The following MALRD1 variants were observed in gnomAD, a reference collection of about 807,000 sequenced individuals.
MALRD1 encodes the protein MAM and LDL receptor class A domain containing 1, also known as MAM and LDL-receptor class A domain-containing protein 1.
MALRD1 carries 247 observed loss-of-function variants against 242.1 expected under a neutral mutation model. That is an observed-to-expected ratio of 1.02 (90% confidence interval 0.92 to 1.13). The LOEUF is 1.13. Among genes scored for constraint, MALRD1 ranks in the 50% most tolerant of loss-of-function variants. MALRD1 has a pLI of 0.00. For missense variants in MALRD1, 2,989 were observed against 2,533.1 expected (o/e 1.18, Z -3.86); for synonymous variants, 995 against 866.6 (o/e 1.15, Z -2.60).
At chr10:19,646,838 T>C (rs1174033716) in intron 36 of MALRD1, among the ~76,000 whole-genome samples, 1 of 152,146 alleles carries the variant, frequency 6.6e-6, no homozygotes, top group Non-Finnish European at 1.5e-5. Flanking sequence ...TCACTCTCAT[T>C]TGTGACAGAA....
intron 28 of MALRD1, among the ~76,000 whole-genome samples, chr10:19,418,340 AT>A (rs1319782070): frequency 6.6e-6 from 1 of 152,140 alleles, no homozygotes; most frequent in East Asian, 1.9e-4. Context: ...ACTAAAAATA[AT>A]TTTAAAAAAA....
chr10:19,337,082 T>A (rs1030494728), intron 24 of MALRD1, among the ~76,000 whole-genome samples: 1 of 152,108 alleles, frequency 6.6e-6, no homozygotes, highest in African/African-American at 2.4e-5. Flanking sequence ...TATATATTTG[T>A]GTATATATTA....
chr10:19,341,486 A>ATATATGTATATATGTG (rs1564577101), intron 24 of MALRD1, among the ~76,000 whole-genome samples: 5 of 16,092 alleles, frequency 3.1e-4, no homozygotes, highest in Non-Finnish European at 7.2e-4. Context: ...ATATATGTGT[A>ATATATGTATATATGTG]TATATATGTA....
intron 38 of MALRD1, among the ~76,000 whole-genome samples, chr10:19,703,924 T>G (rs904883285): frequency 2.6e-5 from 4 of 152,006 alleles, no homozygotes; most frequent in African/African-American, 9.7e-5. Context: ...AAATAAAAAT[T>G]GCAAAATAAA....
intron 31 of MALRD1, among the ~76,000 whole-genome samples, chr10:19,523,307 A>T (rs988074451): frequency 6.6e-6 from 1 of 152,180 alleles, no homozygotes; most frequent in African/African-American, 2.4e-5. Flanking sequence ...AAATAATGTG[A>T]TAATATATTT....
At chr10:19,644,628 C>T (rs896893159) in intron 36 of MALRD1, among the ~76,000 whole-genome samples, 3 of 151,916 alleles carry the variant, frequency 2.0e-5, no homozygotes, top group Admixed American at 2.0e-4. Flanking sequence ...TGACAAGACC[C>T]CAAAAAATGT....
intron 17 of MALRD1, among the ~76,000 whole-genome samples, chr10:19,206,190 A>G (rs796701387): frequency 7.9e-5 from 12 of 152,126 alleles, no homozygotes; most frequent in African/African-American, 2.9e-4. Flanking sequence ...TAGAAATGTA[A>G]AATGCTTACT....
intron 1 of MALRD1, among the ~76,000 whole-genome samples, chr10:19,061,753 G>T (rs1249124660): frequency 6.6e-6 from 1 of 152,082 alleles, no homozygotes; most frequent in Non-Finnish European, 1.5e-5. Flanking sequence ...ATTGGAGTTG[G>T]ACCCTTACCT....
intron 9 of MALRD1, among the ~76,000 whole-genome samples, chr10:19,135,461 C>T (rs1053466294): frequency 1.3e-5 from 2 of 152,076 alleles, no homozygotes; most frequent in African/African-American, 4.8e-5. Context: ...ACCTATCCCT[C>T]ATGTTTTGAA....
At chr10:19,310,980 C>T (rs750462187) in intron 21 of MALRD1, among the ~76,000 whole-genome samples, 3 of 151,346 alleles carry the variant, frequency 2.0e-5, no homozygotes, top group East Asian at 1.9e-4. Flanking sequence ...TTTTAGTGCT[C>T]GTCTCAGATT....
intron 28 of MALRD1, among the ~76,000 whole-genome samples, chr10:19,422,565 A>G (rs1794522390): frequency 6.6e-6 from 1 of 152,200 alleles, no homozygotes; most frequent in African/African-American, 2.4e-5. Context: ...CCAGAGATAC[A>G]GATTTAGAGT....
At chr10:19,589,846 T>C (rs1023011012) in intron 33 of MALRD1, among the ~76,000 whole-genome samples, 2 of 152,206 alleles carry the variant, frequency 1.3e-5, no homozygotes, top group African/African-American at 4.8e-5. Context: ...CAGAATGTGC[T>C]ATTTTCGTTT....
chr10:19,708,827 A>G lies in MALRD1; in HGVS notation c.6314+16273A>G, dbSNP rs573593078. Among the ~76,000 whole-genome samples, 90 of 118,446 alleles carry G rather than the reference A, an allele frequency of 7.6e-4. 13 individuals carry two copies. The highest frequency in any genetic ancestry group is 2.3e-3 in the African/African-American group (85 of 37,510). The allele number at this position is 118,446 out of a possible 152,430, so 77.7% of individuals were successfully genotyped here. A position where few individuals can be genotyped will look rare whatever the true frequency, so the allele number is the denominator to read the frequency against. Reference sequence around the variant, plus strand: ...CAGGCGCACGCCACCACACCCAGCTAATTTTTGTGTTTTTAGTAGAGATGG... The same window carrying G: ...CAGGCGCACGCCACCACACCCAGCTGATTTTTGTGTTTTTAGTAGAGATGG... On this transcript the variant is annotated intron_variant, in intron 38 of 39. Coordinates refer to ENST00000454679, the MANE Select transcript of MALRD1 (RefSeq NM_001142308.3).
chr10:19,198,693 C>A (rs1053420988), intron 14 of MALRD1, among the ~76,000 whole-genome samples: 2 of 151,982 alleles, frequency 1.3e-5, no homozygotes, highest in Non-Finnish European at 2.9e-5. Flanking sequence ...CTCAGGAGAC[C>A]CTTTAAGCCA....
intron 28 of MALRD1, among the ~76,000 whole-genome samples, chr10:19,432,621 T>C (rs1834181873): frequency 6.6e-6 from 1 of 152,168 alleles, no homozygotes; most frequent in Non-Finnish European, 1.5e-5. Context: ...TCTTAAATTG[T>C]GATAGGAAGA....
At chr10:19,584,434 T>C (rs1837289035) in intron 33 of MALRD1, among the ~76,000 whole-genome samples, 1 of 151,784 alleles carries the variant, frequency 6.6e-6, no homozygotes, top group East Asian at 1.9e-4. Flanking sequence ...GTCTTTGTTC[T>C]CGTAGGTTTC....
intron 36 of MALRD1, among the ~76,000 whole-genome samples, chr10:19,648,562 C>A (rs1211376176): frequency 3.3e-5 from 5 of 152,152 alleles, no homozygotes; most frequent in African/African-American, 1.2e-4. Flanking sequence ...AAAACATCAA[C>A]ACTTTTCAGA....
chr10:19,620,007 A>T (rs1839330868), intron 36 of MALRD1, among the ~76,000 whole-genome samples: 1 of 43,600 alleles, frequency 2.3e-5, no homozygotes, highest in African/African-American at 6.5e-5. Context: ...TTCCTGTCTC[A>T]ATAATAATAA....
At chr10:19,524,101 C>T (rs189778308) in intron 31 of MALRD1, among the ~76,000 whole-genome samples, 25 of 152,248 alleles carry the variant, frequency 1.6e-4, no homozygotes, top group African/African-American at 4.8e-4. Flanking sequence ...TCCAGAAACA[C>T]TGCATCTGTG....
Sources: allele counts gnomAD v4.1 joint callset (sites outside exome capture counted in the v4.1 genomes callset), GRCh38; gene constraint gnomAD v4.1.1; transcripts MANE v1.5; gene names NCBI Gene and HGNC (gene_info 2026-07-23, HGNC 2026-07-21).